PRSS23: variants seen among roughly 807,000 people sequenced by gnomAD.
The protein encoded by PRSS23 is serine protease 23.
A neutral mutation model predicts 34.7 loss-of-function variants in PRSS23; 25 were observed. That is an observed-to-expected ratio of 0.72 (90% CI 0.53 to 1.01). The LOEUF is 1.01. PRSS23 is among the 50% of genes least tolerant of loss of function. The pLI, the probability that PRSS23 is intolerant of heterozygous loss-of-function variation, is 0.00. For synonymous variants in PRSS23, 176 were observed against 186.6 expected, an observed-to-expected ratio of 0.94 and a Z score of 0.46; for missense variants, 445 against 475.6, an observed-to-expected ratio of 0.94 and a Z score of 0.60.
chr11:86,856,063 CT>C (rs1414730635), intron 2 of PRSS23, among the ~76,000 whole-genome samples: 1 of 152,042 alleles, frequency 6.6e-6, no homozygotes, highest in Non-Finnish European at 1.5e-5. Context: ...CCATTTTATT[CT>C]TTTCTATTTC....
chr11:86,830,725 A>C (rs914191810), intron 2 of PRSS23, among the ~76,000 whole-genome samples: 1 of 152,136 alleles, frequency 6.6e-6, no homozygotes, highest in African/African-American at 2.4e-5. Context: ...CTAGGGAGAC[A>C]TTACTACTAA....
downstream of PRSS23, among the ~76,000 whole-genome samples, chr11:86,813,615 T>C (rs1948195379): frequency 6.6e-6 from 1 of 152,178 alleles, no homozygotes; most frequent in African/African-American, 2.4e-5. Context: ...CACAGAAATA[T>C]TTATTTTAAA....
chr11:86,807,686 C>G lies in PRSS23; in HGVS notation c.43C>G (p.Leu15Val), dbSNP rs751626725. Residue 15 changes from leucine (L) to valine (V), a missense_variant, in exon 2 of 2, where the codon CTC becomes GTC. Physicochemically the swap from Leu to Val is conservative, Grantham distance 32. Transcript: ENST00000280258. ...GCTCCTCTTCCTTCTCTTCTTTCTG[C>G]TCTGTGCTGTTGGGCAAGTGAGCCC... ...PGLLFLLFFL[L>V]CAVGQVSPYS... 2.5e-6 allele frequency: 4 copies of G among 1,613,842 alleles called. No individual in the cohort carries two copies. Among genetic ancestry groups the G allele is most frequent in the Middle Eastern group, 1.6e-4 (1 of 6,084 alleles).
intron 2 of PRSS23, among the ~76,000 whole-genome samples, chr11:86,834,051 G>A (rs750004808): frequency 6.6e-6 from 1 of 152,206 alleles, no homozygotes; most frequent in Non-Finnish European, 1.5e-5. Context: ...TAGTTTTACA[G>A]CTTCGATTCT....
At chr11:86,847,270 G>A (rs1216102264) in intron 2 of PRSS23, among the ~76,000 whole-genome samples, 1 of 152,196 alleles carries the variant, frequency 6.6e-6, no homozygotes, top group Non-Finnish European at 1.5e-5. Flanking sequence ...TTTATGGCCA[G>A]GACCGCATAA....
chr11:86,834,563 C>CTTTCCTTTCCTT (rs1948389588), intron 2 of PRSS23, among the ~76,000 whole-genome samples: 12 of 61,350 alleles, frequency 2.0e-4, no homozygotes, highest in African/African-American at 6.8e-4. Context: ...TTTTCCTTTC[C>CTTTCCTTTCCTT]TTTCCTTTCC....
At chr11:86,917,101 C>T (rs1381342482) in intron 2 of PRSS23, among the ~76,000 whole-genome samples, 11 of 152,190 alleles carry the variant, frequency 7.2e-5, no homozygotes, top group African/African-American at 2.4e-4. Context: ...GGGCAGATCA[C>T]GTGAGGTCAG....
intron 2 of PRSS23, among the ~76,000 whole-genome samples, chr11:86,893,965 G>A (rs1314316293): frequency 6.6e-6 from 1 of 152,084 alleles, no homozygotes. Flanking sequence ...GGGAGTAAAG[G>A]GGGGAATCAA....
upstream of PRSS23, among the ~76,000 whole-genome samples, chr11:86,798,041 A>G (rs1262792365): frequency 2.0e-5 from 3 of 152,154 alleles, no homozygotes; most frequent in African/African-American, 7.2e-5. Context: ...TATGTGCTCA[A>G]TATATATTTG....
intron 2 of PRSS23, among the ~76,000 whole-genome samples, chr11:86,904,977 G>C (rs1184101366): frequency 6.6e-6 from 1 of 152,166 alleles, no homozygotes; most frequent in East Asian, 1.9e-4. Flanking sequence ...GATCCTTTGA[G>C]CCTGAGTGTT....
chr11:86,946,501 C>G (rs895063881), intron 2 of PRSS23: 1 of 152,242 alleles, frequency 6.6e-6, no homozygotes, highest in African/African-American at 2.4e-5. Context: ...GGCAACTGAG[C>G]TTGCCAAGGG....
downstream of PRSS23, among the ~76,000 whole-genome samples, chr11:86,814,437 G>A (rs1948201443): frequency 6.6e-6 from 1 of 152,146 alleles, no homozygotes; most frequent in South Asian, 2.1e-4. Context: ...CAAGGAAAAT[G>A]TGGCCTCAAA....
chr11:86,895,301 G>A lies in PRSS23; in HGVS notation c.207-55915G>A, dbSNP rs572609856. 2.3e-4 allele frequency among the ~76,000 whole-genome samples: 35 copies of A among 151,956 alleles called. 1 individual carries two copies. Among genetic ancestry groups the A allele is most frequent in the African/African-American group, 8.2e-4 (34 of 41,414 alleles). On this transcript the variant is annotated intron_variant, in intron 2 of 2. Coordinates refer to the PRSS23 transcript ENST00000533902. The stretch of plus-strand genomic sequence containing the variant: ...TTCTGTGAGTCACTTAACTTCTCTG[G>A]GCTTCTGCTTTCACCTTCACTAAAT...
At chr11:86,874,697 A>C (rs1948710874) in intron 2 of PRSS23, among the ~76,000 whole-genome samples, 1 of 152,262 alleles carries the variant, frequency 6.6e-6, no homozygotes, top group African/African-American at 2.4e-5. Context: ...TTTGTAGTGT[A>C]AAACAAAAAC....
chr11:86,944,306 T>TAGTA (rs1949226024), intron 2 of PRSS23, among the ~76,000 whole-genome samples: 1 of 151,908 alleles, frequency 6.6e-6, no homozygotes, highest in Non-Finnish European at 1.5e-5. Context: ...CACCCTAATC[T>TAGTA]AGTAAGTATG....
chr11:86,946,852 G>C (rs370178339), intron 2 of PRSS23: 1 of 152,354 alleles, frequency 6.6e-6, no homozygotes, highest in Admixed American at 6.5e-5. Context: ...GACTGGAATA[G>C]CAACTCTCTC....
chr11:86,902,043 G>A (rs1246024345), intron 2 of PRSS23, among the ~76,000 whole-genome samples: 1 of 152,058 alleles, frequency 6.6e-6, no homozygotes, highest in African/African-American at 2.4e-5. Context: ...CTAGAATGGT[G>A]CTGAGCACAG....
rs575411629 is a variant in PRSS23, at chr11:86,839,855, T to A, written c.206+16262T>A. On this transcript the variant is annotated intron_variant, in intron 2 of 2. Transcript: ENST00000533902. The stretch of plus-strand genomic sequence containing the variant: ...AATCTCGTATGCAGCCAAACTAAGC[T>A]TCATAAGTGAAGGAGAAATAAAATC... Among the ~76,000 whole-genome samples the A allele has an allele frequency of 3.5e-5, 5 of 141,660 alleles. No individual in the cohort carries two copies. In the East Asian group the frequency reaches 1.0e-3, roughly 29 times the overall value. 92.9% of individuals were successfully genotyped at this position (141,660 alleles called of 152,430 possible). A position where few individuals can be genotyped will look rare whatever the true frequency, so the allele number is the denominator to read the frequency against.
At chr11:86,927,236 A>T (rs558172687) in intron 2 of PRSS23, among the ~76,000 whole-genome samples, 1 of 152,300 alleles carries the variant, frequency 6.6e-6, no homozygotes, top group South Asian at 2.1e-4. Flanking sequence ...GGTTTCTATT[A>T]TAGGCAGGCG....
Sources: gnomAD v4.1 joint callset for allele counts (sites outside exome capture counted in the v4.1 genomes callset) on GRCh38, gnomAD v4.1.1 for gene constraint, MANE v1.5 for transcripts, NCBI Gene and HGNC (gene_info 2026-07-23, HGNC 2026-07-21) for gene names.